Variants in LPA observed in about 807,000 individuals in gnomAD.
The protein encoded by LPA is lipoprotein(a), also known as apolipoprotein(a).
A neutral mutation model predicts 197.9 loss-of-function variants in LPA; 199 were observed. That is an observed-to-expected ratio of 1.01 (90% CI 0.90 to 1.13). LPA has a LOEUF of 1.13. Ranked by LOEUF, LPA falls within the 50% of genes most tolerant of loss-of-function variation. The probability of loss-of-function intolerance (pLI) is 0.00; values close to 1 mark genes in which losing one functional copy is unlikely to be tolerated. For synonymous variants in LPA, 715 were observed against 639.5 expected, an observed-to-expected ratio of 1.12 and a Z score of -1.78; for missense variants, 1,853 against 1,785.8, an observed-to-expected ratio of 1.04 and a Z score of -0.68.
chr6:160,566,557 T>G (rs1291967855), intron 28 of LPA, among the ~76,000 whole-genome samples: 1 of 152,152 alleles, frequency 6.6e-6, no homozygotes, highest in Non-Finnish European at 1.5e-5. Flanking sequence ...GTAAAAACCA[T>G]CGATGCTAGG....
At position 160,547,925 on chromosome 6, in the gene LPA, CCAAA is replaced by C. The variant is rs747850163; in HGVS notation, c.5164_5167del (p.Phe1722GlyfsTer63). On this transcript the variant is annotated frameshift_variant, in exon 32 of 39. Coordinates refer to ENST00000316300, the MANE Select transcript of LPA (RefSeq NM_005577.4). LOFTEE classifies it high-confidence loss of function. ...CTTGCCCCGGTATCCTTTCCCATTC[CCAAA>C]CATACAGTCTGTAGAAAAAAATAAA... is the stretch of plus-strand genomic sequence containing the variant. 1 of 1,613,814 alleles carries C rather than the reference CCAAA, an allele frequency of 6.2e-7. No individual in the cohort carries two copies. The highest frequency in any genetic ancestry group is 1.3e-5 in the African/African-American group (1 of 74,802).
At chr6:160,609,356 T>C (rs1779430462) in intron 16 of LPA, among the ~76,000 whole-genome samples, 1 of 152,092 alleles carries the variant, frequency 6.6e-6, no homozygotes, top group Middle Eastern at 3.2e-3. Flanking sequence ...TAATATTCCC[T>C]GGTATCTGGC....
At chr6:160,658,713 T>C (rs779054826) in intron 1 of LPA, among the ~76,000 whole-genome samples, 1 of 152,052 alleles carries the variant, frequency 6.6e-6, no homozygotes. Flanking sequence ...AGAAGTAGAG[T>C]CCTTAGCATT....
intron 36 of LPA, among the ~76,000 whole-genome samples, chr6:160,538,274 T>C (rs1026444510): frequency 6.6e-6 from 1 of 152,248 alleles, no homozygotes; most frequent in Non-Finnish European, 1.5e-5. Context: ...TGGAATCTCA[T>C]GCCAAGTGTG....
At chr6:160,647,305 C>T (rs910719913) in intron 2 of LPA, among the ~76,000 whole-genome samples, 16 of 152,158 alleles carry the variant, frequency 1.1e-4, no homozygotes, top group African/African-American at 1.9e-4. Context: ...GTTTGGGCTG[C>T]GGGGATCTTG....
intron 20 of LPA, among the ~76,000 whole-genome samples, chr6:160,596,231 T>A (rs540382568): frequency 3.8e-4 from 58 of 152,306 alleles, no homozygotes; most frequent in African/African-American, 1.2e-3. Flanking sequence ...CCCTCATTGG[T>A]CTGTCATTTG....
At chr6:160,564,958 G>A (rs537807575) in intron 28 of LPA, among the ~76,000 whole-genome samples, 71 of 152,276 alleles carry the variant, frequency 4.7e-4, no homozygotes, top group Admixed American at 9.8e-4. Flanking sequence ...ACTGCAAGGC[G>A]GCAGCAAAGC....
chr6:160,663,808 C>T (rs995712691), intron 1 of LPA, among the ~76,000 whole-genome samples: 11 of 152,152 alleles, frequency 7.2e-5, no homozygotes, highest in African/African-American at 2.7e-4. Flanking sequence ...GGCACCTGAA[C>T]AGAGATGATA....
chr6:160,650,981 G>C (rs889579805), intron 1 of LPA, among the ~76,000 whole-genome samples: 1 of 152,142 alleles, frequency 6.6e-6, no homozygotes, highest in Non-Finnish European at 1.5e-5. Flanking sequence ...ATCTAGCACC[G>C]CAGGCAAAGC....
At chr6:160,657,062 G>A (rs1444303488) in intron 1 of LPA, among the ~76,000 whole-genome samples, 1 of 152,188 alleles carries the variant, frequency 6.6e-6, no homozygotes, top group Non-Finnish European at 1.5e-5. Flanking sequence ...TGCCACCTCA[G>A]GATCCAATTA....
intron 22 of LPA, among the ~76,000 whole-genome samples, chr6:160,591,378 C>G (rs9456550): frequency 1.7e-3 from 257 of 152,128 alleles, no homozygotes; most frequent in African/African-American, 5.8e-3. Flanking sequence ...ATCAGAATAC[C>G]CTCCTTCCAC....
chr6:160,606,196 G>T (rs1483288201), intron 17 of LPA, among the ~76,000 whole-genome samples: 2 of 152,106 alleles, frequency 1.3e-5, no homozygotes, highest in Admixed American at 6.6e-5. Flanking sequence ...AAAAATTTTG[G>T]CTAAGACACT....
At chr6:160,659,224 G>A (rs1238372724) in intron 1 of LPA, among the ~76,000 whole-genome samples, 1 of 152,168 alleles carries the variant, frequency 6.6e-6, no homozygotes, top group African/African-American at 2.4e-5. Context: ...GGCAGCAGGG[G>A]CAGGGGCCTC....
chr6:160,541,970 G>A (rs184242288), intron 34 of LPA, among the ~76,000 whole-genome samples: 1 of 149,758 alleles, frequency 6.7e-6, no homozygotes, highest in Admixed American at 6.6e-5. Flanking sequence ...ACAGAAGGAA[G>A]TCTCTTTAGA....
rs749472022 is a variant in LPA at position 160,647,902 on chromosome 6, A to G, written c.210-1507T>C. ...GTAGCATTTTCATCTACATTTGCCA[A>G]TTGCTAGGTTCTTCATTATATAGGC... On this transcript the variant is annotated intron_variant, in intron 2 of 38. Transcript: ENST00000316300. Among the ~76,000 whole-genome samples, 28 of 152,228 alleles carry G rather than the reference A, an allele frequency of 1.8e-4. No homozygotes were observed. The South Asian group carries it at 1.9e-3, about 10-fold the overall frequency.
chr6:160,557,604 G>T, intron 28 of LPA, 33 bp from the exon 29 acceptor site: 1 of 1,609,696 alleles, frequency 6.2e-7, no homozygotes, highest in African/African-American at 1.3e-5. Flanking sequence ...GGTCACAAGA[G>T]GCGGGAAAAA....
At chr6:160,609,047 T>C (rs1329984028) in intron 16 of LPA, among the ~76,000 whole-genome samples, 3 of 152,184 alleles carry the variant, frequency 2.0e-5, no homozygotes, top group African/African-American at 7.2e-5. Context: ...ATACTGTTAC[T>C]TTCTTTTGAT....
intron 31 of LPA, 127 bp from the exon 32 acceptor site, chr6:160,548,064 C>T (rs4708871): frequency 0.97 from 858,590 of 880,706 alleles, 418,605 homozygotes; most frequent in East Asian, 1. Flanking sequence ...GGGGCCACAT[C>T]CCTCAGGAGC....
chr6:160,597,421 G>C (rs1489705022), intron 20 of LPA, among the ~76,000 whole-genome samples: 2 of 152,178 alleles, frequency 1.3e-5, no homozygotes, highest in African/African-American at 4.8e-5. Context: ...ACTTCTCTAT[G>C]TTTCAATGCT....
Sources: allele counts gnomAD v4.1 joint callset (sites outside exome capture counted in the v4.1 genomes callset), GRCh38; gene constraint gnomAD v4.1.1; transcripts MANE v1.5; gene names NCBI Gene and HGNC (gene_info 2026-07-23, HGNC 2026-07-21).